Variants in CENPN observed in about 807,000 individuals in gnomAD.
The protein encoded by CENPN is interphase centromere complex protein 32.
CENPN carries 36 observed loss-of-function variants against 48.6 expected under a neutral mutation model. That is an observed-to-expected ratio of 0.74 (90% CI 0.57 to 0.98). The LOEUF (loss-of-function observed/expected upper bound fraction) is 0.98. Among genes scored for constraint, CENPN ranks in the 50% least tolerant of loss-of-function variants. The pLI is 0.00. For synonymous variants in CENPN, 166 were observed against 135.2 expected (o/e 1.23, Z -1.58); for missense variants, 439 against 399.2 (o/e 1.10, Z -0.85).
At chr16:81,009,225 G>GA (rs1456661904) in intron 1 of CENPN, among the ~76,000 whole-genome samples, 4 of 152,138 alleles carry the variant, frequency 2.6e-5, no homozygotes, top group African/African-American at 7.2e-5. Flanking sequence ...TAAAAAAAAG[G>GA]AAAAAAACAA....
chr16:81,017,792 T>A lies in CENPN; in HGVS notation c.312T>A (p.Phe104Leu). ...TTGACCTTTTTGATATGAAACAATT[T>A]AAAAATTCGTTCAAGAAAATTCTTC... is the stretch of plus-strand genomic sequence containing the variant. ...EDVDLFDMKQ[F>L]KNSFKKILQR... The change falls in exon 5 of 11, where the codon TTT becomes TTA. Residue 104 changes from phenylalanine (F) to leucine (L), a missense_variant. Coordinates refer to ENST00000305850, the MANE Select transcript of CENPN (RefSeq NM_001100624.3). 1 of 1,586,098 alleles carries A rather than the reference T, an allele frequency of 6.3e-7. No homozygotes were observed. Among genetic ancestry groups the A allele is most frequent in the African/African-American group, 1.4e-5 (1 of 73,322 alleles).
Position 81,009,918 on chromosome 16 carries a change from A to G in CENPN, c.-10-2012A>G, listed in dbSNP as rs537063354. 1.9e-3 allele frequency among the ~76,000 whole-genome samples: 291 copies of G among 152,290 alleles called. 2 individuals are homozygous for G. Among genetic ancestry groups the G allele is most frequent in the African/African-American group, 6.4e-3 (267 of 41,548 alleles). ...CATTGTATAAAAATCATGTTTGCAG[A>G]CCACGCGCGGTGGCTCACACCTGTA... On this transcript the variant is annotated intron_variant, in intron 1 of 10. Transcript: ENST00000305850.
At chr16:81,032,456 A>C, downstream of CENPN, 4 of 1,054,856 alleles carry the variant, frequency 3.8e-6, no homozygotes, top group Non-Finnish European at 5.5e-6. Context: ...GGGGTTGGGG[A>C]ATCATCACTC....
rs1360616219 is a variant in CENPN at position 81,029,450 on chromosome 16, A to T, written c.*799A>T. 2 of 285,650 alleles carry T rather than the reference A, an allele frequency of 7.0e-6. No homozygotes were observed. The highest frequency in any genetic ancestry group is 1.0e-5 in the Non-Finnish European group (2 of 190,486). 17.7% of individuals were successfully genotyped at this position (285,650 alleles called of 1,614,324 possible). ...GGTCTCACTGTGTCACCCAAGCTGG[A>T]GTGCAGTGGCATGATCATGGCTCAC... On this transcript the variant is annotated 3_prime_UTR_variant, in exon 11 of 11. Transcript: ENST00000305850.
intron 3 of CENPN, among the ~76,000 whole-genome samples, chr16:81,015,118 A>C (rs1214542562): frequency 1.3e-5 from 2 of 152,238 alleles, no homozygotes; most frequent in Non-Finnish European, 2.9e-5. Context: ...ATTATTATTA[A>C]AGGATTTGAA....
At chr16:81,015,421 G>C (rs549495046) in intron 3 of CENPN, among the ~76,000 whole-genome samples, 2 of 152,212 alleles carry the variant, frequency 1.3e-5, no homozygotes, top group African/African-American at 4.8e-5. Context: ...GTATAATAGT[G>C]ATAATATCAC....
chr16:81,026,052 GAT>G (rs71376379), intron 8 of CENPN, among the ~76,000 whole-genome samples: 2,776 of 132,764 alleles, frequency 0.021, 92 homozygotes, highest in African/African-American at 0.073. Flanking sequence ...GTGCCATGGA[GAT>G]ATATATATAT....
chr16:81,030,760 TAA>T lies in CENPN; in HGVS notation c.*2111_*2112del, dbSNP rs1012187743. ...TGAAACTCTGCCTCAAAAAATAAAA[TAA>T]AGGCCAGGCATGGTGGCTCACGCCT... is the stretch of plus-strand genomic sequence containing the variant. On this transcript the variant is annotated 3_prime_UTR_variant, in exon 11 of 11. Transcript: ENST00000305850. 2 of 146,216 alleles carry T rather than the reference TAA, an allele frequency of 1.4e-5. No homozygotes were observed. Among genetic ancestry groups the T allele is most frequent in the African/African-American group, 5.1e-5 (2 of 39,288 alleles). 9.1% of individuals were successfully genotyped at this position (146,216 alleles called of 1,614,324 possible).
intron 3 of CENPN, 37 bp from the exon 4 acceptor site, chr16:81,017,289 T>G: frequency 7.9e-6 from 11 of 1,391,966 alleles, no homozygotes; most frequent in Non-Finnish European, 1.0e-5. Flanking sequence ...CAAAGTTCTA[T>G]GATATGCTAG....
At chr16:81,018,353 T>A (rs1970020505) in intron 5 of CENPN, among the ~76,000 whole-genome samples, 1 of 152,040 alleles carries the variant, frequency 6.6e-6, no homozygotes, top group Admixed American at 6.6e-5. Context: ...TTTGTATTTT[T>A]AGTAGTGATG....
rs1026062703 is a variant in CENPN at position 81,031,472 on chromosome 16, C to T, written c.*2821C>T. On this transcript the variant is annotated 3_prime_UTR_variant, in exon 11 of 11. Coordinates refer to ENST00000305850, the MANE Select transcript of CENPN (RefSeq NM_001100624.3). The stretch of plus-strand genomic sequence containing the variant: ...AATTCCTAAGACCTCAATAAAAACA[C>T]CTTGTCTTGCTGCTTTGCAGTGTGG... 1 of 152,186 alleles carries T rather than the reference C, an allele frequency of 6.6e-6. No homozygotes were observed. Among genetic ancestry groups the T allele is most frequent in the Non-Finnish European group, 1.5e-5 (1 of 68,038 alleles). 9.4% of individuals were successfully genotyped at this position (152,186 alleles called of 1,614,324 possible).
Position 81,022,670 on chromosome 16 carries a change from A to G in CENPN, c.605A>G (p.Lys202Arg). 1.2e-6 allele frequency: 2 copies of G among 1,614,106 alleles called. No homozygotes were observed. Among genetic ancestry groups the G allele is most frequent in the Non-Finnish European group, 1.7e-6 (2 of 1,180,000 alleles). The change falls in exon 7 of 11, where the codon AAG (lysine) becomes AGG (arginine). Residue 202 changes from lysine (K) to arginine (R), a missense_variant. Transcript: ENST00000305850. ...DLRSRYLDSLKAIVFKQYNQT... is the reference protein window; with the variant it reads ...DLRSRYLDSLRAIVFKQYNQT... Reference sequence around the variant, plus strand: ...AGAAGTCGGTATCTGGACTCTCTTAAGGCTATTGTTTTTAAACAGTATAAT... The same window carrying G: ...AGAAGTCGGTATCTGGACTCTCTTAGGGCTATTGTTTTTAAACAGTATAAT...
intron 1 of CENPN, among the ~76,000 whole-genome samples, chr16:81,008,310 T>A (rs575709467): frequency 6.6e-6 from 1 of 152,292 alleles, no homozygotes; most frequent in South Asian, 2.1e-4. Flanking sequence ...TCCTCACAGT[T>A]TAATTTGATA....
At chr16:81,032,533 T>A, downstream of CENPN, 2 of 1,549,298 alleles carry the variant, frequency 1.3e-6, no homozygotes, top group East Asian at 4.7e-5. Context: ...TTAATCCGTC[T>A]TTTATCAGTT....
At chr16:81,019,139 TCAAGCC>T (rs1970061010) in intron 5 of CENPN, among the ~76,000 whole-genome samples, 1 of 152,258 alleles carries the variant, frequency 6.6e-6, no homozygotes, top group Non-Finnish European at 1.5e-5. Context: ...TAGTATATTT[TCAAGCC>T]CATTATTACA....
intron 3 of CENPN, 31 bp downstream of exon 3, chr16:81,014,212 A>T: frequency 6.3e-7 from 1 of 1,593,834 alleles, no homozygotes; most frequent in Non-Finnish European, 8.6e-7. Flanking sequence ...TTTATACTTA[A>T]CCAATCAGTT....
At chr16:81,024,892 T>C (rs1970393148) in intron 8 of CENPN, 114 bp downstream of exon 8, 1 of 589,372 alleles carries the variant, frequency 1.7e-6, no homozygotes, top group African/African-American at 1.9e-5. Flanking sequence ...TTTATTGTTT[T>C]CAGAAAAATT....
At chr16:81,022,294 G>A in intron 6 of CENPN, 1 of 309,292 alleles carries the variant, frequency 3.2e-6, no homozygotes, top group Non-Finnish European at 6.1e-6. Flanking sequence ...TTCAAAAACA[G>A]TAACATTTTG....
At chr16:81,024,843 C>A in intron 8 of CENPN, 65 bp downstream of exon 8, 2 of 1,076,636 alleles carry the variant, frequency 1.9e-6, no homozygotes, top group Non-Finnish European at 2.8e-6. Context: ...ATTTCTTTCA[C>A]TTGGTAAAAC....
Sources: allele counts gnomAD v4.1 joint callset (sites outside exome capture counted in the v4.1 genomes callset), GRCh38; gene constraint gnomAD v4.1.1; transcripts MANE v1.5; gene names NCBI Gene and HGNC (gene_info 2026-07-23, HGNC 2026-07-21).